The following GLIS3 variants were observed in gnomAD, a reference collection of about 807,000 sequenced individuals.
GLIS3 encodes the protein GLIS family zinc finger 3.
A neutral mutation model predicts 78.6 loss-of-function variants in GLIS3; 53 were observed. The observed-to-expected ratio is 0.67, with a 90% CI of 0.54 to 0.85. The LOEUF (loss-of-function observed/expected upper bound fraction) is 0.85, where lower values mean the gene tolerates loss of function less well. Ranked by LOEUF, GLIS3 falls within the 40% of genes least tolerant of loss-of-function variation. The pLI, the probability that GLIS3 is intolerant of heterozygous loss-of-function variation, is 0.00. For missense variants in GLIS3, 1,703 were observed against 1,231.1 expected (o/e 1.38, Z -5.74); for synonymous variants, 684 against 509.9 (o/e 1.34, Z -4.60).
chr9:4,041,469 G>T (rs190902252), intron 4 of GLIS3, among the ~76,000 whole-genome samples: 37 of 152,240 alleles, frequency 2.4e-4, no homozygotes, highest in Admixed American at 8.5e-4. Context: ...AAAAGCTTGG[G>T]TCAACTTCAT....
chr9:4,276,236 T>C (rs1826965167), intron 2 of GLIS3, among the ~76,000 whole-genome samples: 1 of 143,394 alleles, frequency 7.0e-6, no homozygotes, highest in African/African-American at 2.6e-5. Flanking sequence ...TGAGCCCAGA[T>C]AGTGCCAGTG....
At chr9:3,986,713 C>G (rs543043014) in intron 4 of GLIS3, among the ~76,000 whole-genome samples, 24 of 152,312 alleles carry the variant, frequency 1.6e-4, no homozygotes, top group African/African-American at 5.5e-4. Flanking sequence ...CAGCAGGGAC[C>G]AGTGGAAGCC....
At chr9:4,344,947 C>G (rs943321999) in intron 2 of GLIS3, among the ~76,000 whole-genome samples, 8 of 152,212 alleles carry the variant, frequency 5.3e-5, no homozygotes, top group African/African-American at 1.7e-4. Context: ...GCACTCCATT[C>G]CAAGTTGTAC....
chr9:3,931,072 T>C (rs1288965179), intron 6 of GLIS3, among the ~76,000 whole-genome samples: 1 of 152,190 alleles, frequency 6.6e-6, no homozygotes, highest in Admixed American at 6.5e-5. Flanking sequence ...TGATCACAGA[T>C]ATCAATTTAC....
At chr9:4,068,333 A>G (rs78257690) in intron 4 of GLIS3, among the ~76,000 whole-genome samples, 5,290 of 152,232 alleles carry the variant, frequency 0.035, 307 homozygotes, top group African/African-American at 0.12. Context: ...AATCAGTAGT[A>G]TTTTATTCAT....
intron 8 of GLIS3, among the ~76,000 whole-genome samples, chr9:3,862,321 G>A (rs1820264536): frequency 6.6e-6 from 1 of 152,178 alleles, no homozygotes; most frequent in Non-Finnish European, 1.5e-5. Context: ...GGGAGAGCGT[G>A]TCAGCAACAT....
intron 2 of GLIS3, among the ~76,000 whole-genome samples, chr9:4,276,606 G>C (rs1827053174): frequency 6.6e-6 from 1 of 151,894 alleles, no homozygotes; most frequent in South Asian, 2.1e-4. Context: ...ACTAATGAAA[G>C]TTCCATTTCT....
intron 2 of GLIS3, among the ~76,000 whole-genome samples, chr9:4,191,406 G>C (rs1818323231): frequency 6.6e-6 from 1 of 152,176 alleles, no homozygotes; most frequent in Non-Finnish European, 1.5e-5. Flanking sequence ...ACATATGCAT[G>C]AAATAAAATC....
intron 2 of GLIS3, among the ~76,000 whole-genome samples, chr9:4,339,099 C>T (rs527771344): frequency 3.3e-5 from 5 of 152,254 alleles, no homozygotes; most frequent in South Asian, 2.1e-4. Flanking sequence ...AACACTACCT[C>T]GATATGTTTG....
At chr9:4,007,606 T>C (rs1314912558) in intron 4 of GLIS3, among the ~76,000 whole-genome samples, 2 of 151,950 alleles carry the variant, frequency 1.3e-5, no homozygotes, top group East Asian at 3.9e-4. Context: ...ACCAAAATAA[T>C]CCACATCTGA....
intron 4 of GLIS3, among the ~76,000 whole-genome samples, chr9:3,987,347 C>T (rs1361958068): frequency 3.3e-5 from 5 of 151,806 alleles, no homozygotes; most frequent in African/African-American, 1.2e-4. Context: ...GAAAAAGACC[C>T]AACATTTGTA....
the GLIS3 span, among the ~76,000 whole-genome samples, chr9:4,412,712 T>G: frequency 6.1e-3 from 928 of 152,318 alleles, 5 homozygotes; most frequent in South Asian, 0.022. Flanking sequence ...GGCCAGTAAC[T>G]AGTCTACATT....
chr9:4,140,324 C>CA (rs1411175092), intron 2 of GLIS3, among the ~76,000 whole-genome samples: 2 of 151,734 alleles, frequency 1.3e-5, no homozygotes, highest in African/African-American at 4.8e-5. Flanking sequence ...ACCCTGTCCC[C>CA]AAAAAACAAA....
the GLIS3 span, among the ~76,000 whole-genome samples, chr9:4,386,055 C>T: frequency 6.6e-6 from 1 of 152,168 alleles, no homozygotes; most frequent in Non-Finnish European, 1.5e-5. Context: ...GACAAACTAC[C>T]TCTGGGGTGA....
chr9:4,369,951 G>T, the GLIS3 span, among the ~76,000 whole-genome samples: 482 of 152,230 alleles, frequency 3.2e-3, 3 homozygotes, highest in African/African-American at 0.011. Context: ...CAGCATTTTG[G>T]GAGGCCGAGG....
chr9:3,891,786 T>C (rs1284797212), intron 7 of GLIS3, among the ~76,000 whole-genome samples: 8 of 152,166 alleles, frequency 5.3e-5, no homozygotes, highest in Non-Finnish European at 8.8e-5. Flanking sequence ...GAACTATGAA[T>C]CCTAGATCAT....
At chr9:4,379,735 C>T in the GLIS3 span, among the ~76,000 whole-genome samples, 1 of 152,212 alleles carries the variant, frequency 6.6e-6, no homozygotes, top group Admixed American at 6.5e-5. Flanking sequence ...TATTCATTCG[C>T]AGTGTCCCTA....
At chr9:4,155,071 A>G (rs1834952277) in intron 2 of GLIS3, among the ~76,000 whole-genome samples, 1 of 152,252 alleles carries the variant, frequency 6.6e-6, no homozygotes, top group Admixed American at 6.5e-5. Flanking sequence ...TTACTAAAAT[A>G]TTAACAAATG....
At chr9:4,173,294 C>A (rs141085746) in intron 2 of GLIS3, among the ~76,000 whole-genome samples, 1 of 152,146 alleles carries the variant, frequency 6.6e-6, no homozygotes, top group Non-Finnish European at 1.5e-5. Flanking sequence ...TTAATGCCTT[C>A]GAGCTCAGCA....
Sources: allele counts gnomAD v4.1 joint callset (sites outside exome capture counted in the v4.1 genomes callset), GRCh38; gene constraint gnomAD v4.1.1; transcripts MANE v1.5; gene names NCBI Gene and HGNC (gene_info 2026-07-23, HGNC 2026-07-21).